Variants in AFF2 observed in about 807,000 individuals in gnomAD.
AFF2 encodes AF4/FMR2 family member 2.
A neutral mutation model predicts 76.9 loss-of-function variants in AFF2; 14 were observed. The observed-to-expected ratio is 0.18, with a 90% CI of 0.12 to 0.28. The LOEUF (loss-of-function observed/expected upper bound fraction) is 0.28. AFF2 is among the 10% of genes least tolerant of loss of function. AFF2 has a pLI of 1.00. For synonymous variants in AFF2, 398 were observed against 366.7 expected (o/e 1.09, Z -0.98); for missense variants, 868 against 1,001.1 (o/e 0.87, Z 1.79).
Position 148,956,484 on chromosome X carries a change from A to T in AFF2, c.2439A>T (p.Val813=), listed in dbSNP as rs2072041979. 8.3e-7 allele frequency: 1 copy of T among 1,210,356 alleles called. No homozygotes were observed. The highest frequency in any genetic ancestry group is 1.1e-6 in the Non-Finnish European group (1 of 895,335). Residue 813 remains valine, a synonymous_variant, in exon 11 of 21, where the codon GTA becomes GTT. Coordinates refer to ENST00000370460, the MANE Select transcript of AFF2 (RefSeq NM_002025.4). ...VKIDLDLLSR[V]PGHSSLHAAP... ...TTGACCTTGACTTACTCTCTAGAGT[A>T]CCTGGCCACAGCTCACTCCATGCAG... is the stretch of plus-strand genomic sequence containing the variant.
At chrX:148,581,220 T>C (rs1485537592) in intron 1 of AFF2, among the ~76,000 whole-genome samples, 9 of 20,685 alleles carry the variant, frequency 4.4e-4, no homozygotes, top group African/African-American at 2.9e-3. Context: ...CACACATATA[T>C]AATATACGTA....
At chrX:148,679,855 A>G (rs992920067) in intron 3 of AFF2, among the ~76,000 whole-genome samples, 1 of 112,414 alleles carries the variant, frequency 8.9e-6, no homozygotes, top group Non-Finnish European at 1.9e-5. Context: ...CATTATTTAA[A>G]ATAAGCCATT....
intron 3 of AFF2, among the ~76,000 whole-genome samples, chrX:148,663,856 C>T (rs187604153): frequency 1.8e-3 from 204 of 112,064 alleles, no homozygotes; most frequent in Admixed American, 0.014. Context: ...TCAGCAGATG[C>T]GGTGATTTCA....
chrX:148,965,407 C>T (rs1270912037), intron 13 of AFF2, among the ~76,000 whole-genome samples: 2 of 111,743 alleles, frequency 1.8e-5, no homozygotes, highest in Non-Finnish European at 3.8e-5. Context: ...AAGTAATTTA[C>T]AGAACTTCAA....
intron 3 of AFF2, among the ~76,000 whole-genome samples, chrX:148,670,800 G>T (rs1158356880): frequency 2.7e-5 from 3 of 111,571 alleles, no homozygotes; most frequent in African/African-American, 9.8e-5. Context: ...CTTCCCCAAG[G>T]ATTTTTCTAA....
intron 3 of AFF2, among the ~76,000 whole-genome samples, chrX:148,777,301 C>T (rs2069679984): frequency 8.9e-6 from 1 of 111,894 alleles, no homozygotes; most frequent in Admixed American, 9.5e-5. Flanking sequence ...ATGCCTCCAG[C>T]TTTGTTCCTT....
At chrX:148,646,143 T>C (rs1254215123) in intron 1 of AFF2, among the ~76,000 whole-genome samples, 2 of 111,443 alleles carry the variant, frequency 1.8e-5, no homozygotes, top group Non-Finnish European at 3.8e-5. Flanking sequence ...GATGGTAGGA[T>C]TGCAGGACAG....
chrX:148,742,762 AAT>A (rs2055373011), intron 3 of AFF2, among the ~76,000 whole-genome samples: 1 of 111,847 alleles, frequency 8.9e-6, no homozygotes, highest in Non-Finnish European at 1.9e-5. Flanking sequence ...CCGGTTGCTA[AAT>A]ATCAGTGGGT....
intron 3 of AFF2, among the ~76,000 whole-genome samples, chrX:148,775,306 T>C (rs1204836878): frequency 3.6e-5 from 4 of 111,964 alleles, no homozygotes; most frequent in Non-Finnish European, 3.8e-5. Flanking sequence ...ACAGACAAGC[T>C]GGAATAATAA....
rs1348831382 is a variant in AFF2, at chrX:148,991,446, T to G, written c.*114T>G. On this transcript the variant is annotated 3_prime_UTR_variant, in exon 21 of 21. Transcript: ENST00000370460. ...GAACGTTCTCTTTGGTTATGTTTGT[T>G]TTTATGCTTCTTTTGTTATCTGTAA... is the stretch of plus-strand genomic sequence containing the variant. 2 of 884,351 alleles carry G rather than the reference T, an allele frequency of 2.3e-6. No individual in the cohort carries two copies. Among genetic ancestry groups the G allele is most frequent in the East Asian group, 7.2e-5 (2 of 27,771 alleles). 72.9% of individuals were successfully genotyped at this position (884,351 alleles called of 1,213,427 possible). A position where few individuals can be genotyped will look rare whatever the true frequency, so the allele number is the denominator to read the frequency against.
At chrX:148,583,015 G>C (rs1301454013) in intron 1 of AFF2, among the ~76,000 whole-genome samples, 1 of 111,916 alleles carries the variant, frequency 8.9e-6, no homozygotes, top group Non-Finnish European at 1.9e-5. Context: ...GCCACATATT[G>C]TATGATTCCA....
chrX:148,707,854 C>G (rs1468657061), intron 3 of AFF2, among the ~76,000 whole-genome samples: 2 of 111,752 alleles, frequency 1.8e-5, no homozygotes, highest in Admixed American at 9.5e-5. Flanking sequence ...TAGAATTTTG[C>G]AATGCCTCTC....
At chrX:148,848,828 T>G (rs1290598813) in intron 7 of AFF2, among the ~76,000 whole-genome samples, 1 of 112,034 alleles carries the variant, frequency 8.9e-6, no homozygotes, top group East Asian at 2.8e-4. Flanking sequence ...ACTCTTGCTT[T>G]TAACTTGTCT....
chrX:148,522,759 GA>G (rs1386018216), intron 1 of AFF2, among the ~76,000 whole-genome samples: 1 of 110,778 alleles, frequency 9.0e-6, no homozygotes, highest in Non-Finnish European at 1.9e-5. Flanking sequence ...CTCCAGTTTT[GA>G]AAAAAAACTA....
chrX:148,807,641 C>G (rs889459686), intron 3 of AFF2, among the ~76,000 whole-genome samples: 1 of 112,179 alleles, frequency 8.9e-6, no homozygotes, highest in Admixed American at 9.4e-5. Flanking sequence ...TGGGAAAAGG[C>G]GAACAAAGAC....
chrX:148,969,433 G>T (rs2072221493), intron 15 of AFF2, among the ~76,000 whole-genome samples: 1 of 112,216 alleles, frequency 8.9e-6, no homozygotes, highest in Admixed American at 9.4e-5. Flanking sequence ...ATAGAAGATT[G>T]GTTCCAGGAC....
intron 9 of AFF2, among the ~76,000 whole-genome samples, chrX:148,933,511 A>G (rs782680788): frequency 7.1e-5 from 8 of 111,954 alleles, no homozygotes; most frequent in Non-Finnish European, 1.5e-4. Context: ...AGCTATTACC[A>G]TAAGCCAAAT....
At chrX:148,679,102 G>T (rs1319617953) in intron 3 of AFF2, among the ~76,000 whole-genome samples, 2 of 108,626 alleles carry the variant, frequency 1.8e-5, no homozygotes, top group African/African-American at 6.7e-5. Context: ...GATTTCGTTT[G>T]TAGGTTTTAA....
chrX:148,838,087 A>T (rs1011405499), intron 5 of AFF2, among the ~76,000 whole-genome samples: 3 of 112,059 alleles, frequency 2.7e-5, no homozygotes, highest in Admixed American at 1.9e-4. Context: ...GTACTCTTTA[A>T]TGAACTGATT....
Sources: gnomAD v4.1 joint callset for allele counts (sites outside exome capture counted in the v4.1 genomes callset) on GRCh38, gnomAD v4.1.1 for gene constraint, MANE v1.5 for transcripts, NCBI Gene and HGNC (gene_info 2026-07-23, HGNC 2026-07-21) for gene names.